TEX264: variants seen among roughly 807,000 people sequenced by gnomAD.
The protein encoded by TEX264 is testis expressed 264, ER-phagy receptor, also known as testis-expressed protein 264.
TEX264 carries 13 observed loss-of-function variants against 23.4 expected under a neutral mutation model. That is an observed-to-expected ratio of 0.56 (90% CI 0.36 to 0.88). The LOEUF (loss-of-function observed/expected upper bound fraction) is 0.88, where lower values mean the gene tolerates loss of function less well. Ranked by LOEUF, TEX264 falls within the 40% of genes least tolerant of loss-of-function variation. The pLI, the probability that TEX264 is intolerant of heterozygous loss-of-function variation, is 0.01. For synonymous variants in TEX264, 159 were observed against 170.0 expected (o/e 0.94, Z 0.50); for missense variants, 340 against 406.8 (o/e 0.84, Z 1.41).
intron 2 of TEX264, among the ~76,000 whole-genome samples, chr3:51,678,374 A>G (rs1281021999): frequency 6.6e-6 from 1 of 152,134 alleles, no homozygotes; most frequent in East Asian, 1.9e-4. Flanking sequence ...CCTGTCTGCC[A>G]GGCTGGCTCT....
In TEX264 at chr3:51,699,400, G is replaced by T; in HGVS notation, c.481-6G>T. 1 of 1,613,244 alleles carries T rather than the reference G, an allele frequency of 6.2e-7. No individual in the cohort carries two copies. Among genetic ancestry groups the T allele is most frequent in the South Asian group, 1.1e-5 (1 of 91,022 alleles). ...CTCATTCTACCTTTTGCCACTCTCT[G>T]ACTAGGAGCGGAAGCTGTGTGCCTA... On this transcript the variant is annotated splice_region_variant and splice_polypyrimidine_tract_variant and intron_variant, in intron 3 of 4. Transcript: ENST00000341333.
intron 1 of TEX264, among the ~76,000 whole-genome samples, chr3:51,672,752 C>CT (rs1702093110): frequency 6.6e-6 from 1 of 152,244 alleles, no homozygotes; most frequent in African/African-American, 2.4e-5. Flanking sequence ...CTCTTAACCT[C>CT]TAACTACTTG....
chr3:51,685,408 A>G (rs1702587703), intron 3 of TEX264, among the ~76,000 whole-genome samples: 1 of 152,266 alleles, frequency 6.6e-6, no homozygotes, highest in South Asian at 2.1e-4. Context: ...ACGTTGGTGC[A>G]TGAAACAGCC....
intron 2 of TEX264, among the ~76,000 whole-genome samples, chr3:51,675,137 G>T (rs779049086): frequency 2.0e-5 from 3 of 152,210 alleles, no homozygotes; most frequent in Admixed American, 6.5e-5. Context: ...CTGGGAGATG[G>T]CCAAGGGGGC....
chr3:51,695,649 G>A (rs1184886047), intron 3 of TEX264, among the ~76,000 whole-genome samples: 1 of 152,244 alleles, frequency 6.6e-6, no homozygotes, highest in African/African-American at 2.4e-5. Flanking sequence ...TGTTGTGGGA[G>A]CCCTGAGCTG....
At chr3:51,684,274 G>A in intron 2 of TEX264, 139 bp from the exon 3 acceptor site, 1 of 719,434 alleles carries the variant, frequency 1.4e-6, no homozygotes, top group East Asian at 2.7e-5. Context: ...ATAGCTAGCT[G>A]TGTCCTGGTA....
At chr3:51,689,488 A>G (rs1159737767) in intron 3 of TEX264, among the ~76,000 whole-genome samples, 1 of 151,544 alleles carries the variant, frequency 6.6e-6, no homozygotes, top group East Asian at 1.9e-4. Flanking sequence ...GAAGTAAAGT[A>G]AGAAAGTAAG....
chr3:51,695,015 G>A (rs758238242), intron 3 of TEX264, among the ~76,000 whole-genome samples: 8 of 152,256 alleles, frequency 5.3e-5, no homozygotes, highest in Non-Finnish European at 1.2e-4. Flanking sequence ...AGCTGCCTGA[G>A]GGGCCTCCAG....
chr3:51,704,172 A>G lies in TEX264; in HGVS notation c.*156A>G, dbSNP rs908591474. 1.6e-6 allele frequency: 1 copy of G among 641,000 alleles called. No individual in the cohort carries two copies. Among genetic ancestry groups the G allele is most frequent in the Non-Finnish European group, 2.3e-6 (1 of 441,760 alleles). The allele number at this position is 641,000 out of a possible 1,614,324, so 39.7% of individuals were successfully genotyped here. A position where few individuals can be genotyped will look rare whatever the true frequency, so the allele number is the denominator to read the frequency against. On this transcript the variant is annotated 3_prime_UTR_variant, in exon 5 of 5. Coordinates refer to ENST00000341333, the MANE Select transcript of TEX264 (RefSeq NM_015926.6). ...AGGCCTCTTGCTAAGCCTTCTCCTCACTGCCCTTTAGGCTCCCAGGGCCAG... is the reference window on the plus strand; with the variant it reads ...AGGCCTCTTGCTAAGCCTTCTCCTCGCTGCCCTTTAGGCTCCCAGGGCCAG...
chr3:51,683,502 A>G (rs187016763), intron 2 of TEX264: 8 of 152,358 alleles, frequency 5.3e-5, no homozygotes, highest in Admixed American at 5.2e-4. Context: ...CAGAGTGGGA[A>G]GTGCAGGCAC....
chr3:51,694,089 T>G (rs112396160), intron 3 of TEX264, among the ~76,000 whole-genome samples: 5,842 of 47,908 alleles, frequency 0.12, 153 homozygotes, highest in Non-Finnish European at 0.15. Flanking sequence ...CCGTCCGTCC[T>G]TCCTTCCTTC....
At chr3:51,689,872 G>T (rs1702766830) in intron 3 of TEX264, among the ~76,000 whole-genome samples, 1 of 152,208 alleles carries the variant, frequency 6.6e-6, no homozygotes, top group South Asian at 2.1e-4. Context: ...GTCTTGAGGG[G>T]AGTGTGACTG....
At chr3:51,699,034 G>A (rs1408152955) in intron 3 of TEX264, among the ~76,000 whole-genome samples, 2 of 152,096 alleles carry the variant, frequency 1.3e-5, no homozygotes, top group Non-Finnish European at 2.9e-5. Flanking sequence ...TAGGCACATG[G>A]GGTCCCTATC....
At chr3:51,672,208 A>T (rs965888759) in intron 1 of TEX264, 18 of 152,284 alleles carry the variant, frequency 1.2e-4, no homozygotes, top group African/African-American at 4.3e-4. Flanking sequence ...TTTCCTGGGC[A>T]GGGGTGACTG....
At position 51,704,103 on chromosome 3, in the gene TEX264, C is replaced by T. The variant is rs964287627; in HGVS notation, c.*87C>T. 2.9e-5 allele frequency: 36 copies of T among 1,232,598 alleles called. No individual in the cohort carries two copies. The African/African-American group carries it at 5.0e-4, about 17-fold the overall frequency. 76.4% of individuals were successfully genotyped at this position (1,232,598 alleles called of 1,614,324 possible). A position where few individuals can be genotyped will look rare whatever the true frequency, so the allele number is the denominator to read the frequency against. On this transcript the variant is annotated 3_prime_UTR_variant, in exon 5 of 5. Transcript: ENST00000341333. ...CTCTCCAGCCCTCTTCCTCCTTCCT[C>T]TGGGGGAGGAGGGGTTCCTGAGGGA...
At chr3:51,694,194 C>T (rs966682684) in intron 3 of TEX264, among the ~76,000 whole-genome samples, 3 of 151,318 alleles carry the variant, frequency 2.0e-5, no homozygotes, top group Non-Finnish European at 4.4e-5. Context: ...TGCAGTGGCG[C>T]GATCTCGGCT....
rs78568262 is a variant in TEX264 at position 51,677,407 on chromosome 3, G to A, written c.258+2845G>A. ...GCAGTGTGCAGCGTGGCATGCTCTG[G>A]TTCTCAGAGAAAGAGAATAGAGGCT... On this transcript the variant is annotated intron_variant, in intron 2 of 4. Coordinates refer to ENST00000341333, the MANE Select transcript of TEX264 (RefSeq NM_015926.6). Among the ~76,000 whole-genome samples, 12 of 152,252 alleles carry A rather than the reference G, an allele frequency of 7.9e-5. No homozygotes were observed. In the South Asian group the frequency reaches 1.2e-3, roughly 16 times the overall value.
chr3:51,674,792 C>A (rs1436596525), intron 2 of TEX264, among the ~76,000 whole-genome samples: 7 of 152,210 alleles, frequency 4.6e-5, no homozygotes, highest in Admixed American at 4.6e-4. Context: ...TTGCCCATGG[C>A]TACTTGTGGA....
intron 1 of TEX264, chr3:51,672,411 C>T (rs927218952): frequency 5.9e-5 from 9 of 152,270 alleles, no homozygotes; most frequent in Non-Finnish European, 1.0e-4. Context: ...TCTTCCCCCC[C>T]GCCGTTTTCT....
Sources: allele counts gnomAD v4.1 joint callset (sites outside exome capture counted in the v4.1 genomes callset), GRCh38; gene constraint gnomAD v4.1.1; transcripts MANE v1.5; gene names NCBI Gene and HGNC (gene_info 2026-07-23, HGNC 2026-07-21).